Variants in TRA2B observed in about 807,000 individuals in gnomAD.
The protein encoded by TRA2B is transformer-2 protein homolog beta.
A neutral mutation model predicts 41.7 loss-of-function variants in TRA2B; 14 were observed. The observed-to-expected ratio is 0.34, with a 90% confidence interval of 0.22 to 0.53. The LOEUF is 0.53. TRA2B is among the 20% of genes least tolerant of loss of function. The pLI is 0.95. For missense variants in TRA2B, 167 were observed against 396.8 expected (o/e 0.42, Z 4.92); for synonymous variants, 130 against 128.8 (o/e 1.01, Z -0.06).
intron 5 of TRA2B, among the ~76,000 whole-genome samples, chr3:185,921,571 T>C (rs1414946311): frequency 6.6e-6 from 1 of 152,152 alleles, no homozygotes; most frequent in Admixed American, 6.5e-5. Context: ...GAGAACATCC[T>C]GGCTAACATG....
At chr3:185,921,300 T>C (rs1313855829) in intron 5 of TRA2B, 113 bp from the exon 6 acceptor site, 9 of 883,326 alleles carry the variant, frequency 1.0e-5, no homozygotes, top group Non-Finnish European at 1.6e-5. Context: ...ATTATTCCTG[T>C]TAAAATTCTC....
In TRA2B at chr3:185,925,311, T is replaced by G. The variant is rs767345811; in HGVS notation, c.333+153A>C. ...CAAATGCAGACCCCGTCATGGAAGATTAACTTAAAAGACTCTCTCAAAACA... is the reference window on the plus strand; with the variant it reads ...CAAATGCAGACCCCGTCATGGAAGAGTAACTTAAAAGACTCTCTCAAAACA... On this transcript the variant is annotated intron_variant, in intron 3 of 8. Coordinates refer to ENST00000453386, the MANE Select transcript of TRA2B (RefSeq NM_004593.3). 12 of 857,766 alleles carry G rather than the reference T, an allele frequency of 1.4e-5. 1 individual carries two copies. Among genetic ancestry groups the G allele is most frequent in the Non-Finnish European group, 1.4e-5 (8 of 581,582 alleles). The allele number at this position is 857,766 out of a possible 1,614,324, so 53.1% of individuals were successfully genotyped here.
intron 7 of TRA2B, among the ~76,000 whole-genome samples, 166 bp downstream of exon 7, chr3:185,919,271 A>G (rs538821119): frequency 6.6e-6 from 1 of 152,356 alleles, no homozygotes; most frequent in African/African-American, 2.4e-5. Flanking sequence ...ATTTTTATAA[A>G]TATACAAAGA....
In TRA2B at chr3:185,935,327, A is replaced by C. The variant is rs539640263; in HGVS notation, c.36+2498T>G. ...ACCCCTATAGACAGATTTTAGTGTT[A>C]ATCTATTACCTTTGAGAGGGGGGAA... On this transcript the variant is annotated intron_variant, in intron 1 of 8. Transcript: ENST00000453386. 1.4e-5 allele frequency: 14 copies of C among 984,454 alleles called. No homozygotes were observed. The African/African-American group carries it at 2.3e-4, about 16-fold the overall frequency. The allele number at this position is 984,454 out of a possible 1,614,324, so 61.0% of individuals were successfully genotyped here.
intron 6 of TRA2B, among the ~76,000 whole-genome samples, chr3:185,920,426 C>T (rs1326004276): frequency 2.0e-5 from 3 of 152,234 alleles, no homozygotes; most frequent in Non-Finnish European, 2.9e-5. Flanking sequence ...TGGCTCACTG[C>T]AGCTTCAACC....
chr3:185,936,516 A>G (rs569156876), intron 1 of TRA2B: 2 of 985,416 alleles, frequency 2.0e-6, no homozygotes, highest in South Asian at 4.7e-5. Context: ...CAGGAAACTC[A>G]CGCTTCATCA....
intron 6 of TRA2B, 65 bp downstream of exon 6, chr3:185,921,039 A>C (rs1743714411): frequency 1.4e-6 from 2 of 1,380,702 alleles, no homozygotes; most frequent in South Asian, 2.5e-5. Flanking sequence ...CTAAAACTTA[A>C]GCATAGTGCT....
intron 1 of TRA2B, chr3:185,935,697 A>G (rs1744323384): frequency 1.0e-6 from 1 of 985,338 alleles, no homozygotes; most frequent in Admixed American, 6.1e-5. Context: ...GGCATGTCTA[A>G]GATCAAGCTG....
chr3:185,933,815 A>G (rs1168306879), intron 1 of TRA2B, among the ~76,000 whole-genome samples: 1 of 152,150 alleles, frequency 6.6e-6, no homozygotes, highest in African/African-American at 2.4e-5. Flanking sequence ...TTAAATTTAC[A>G]TTCATAAAAC....
At chr3:185,918,281 A>G in intron 8 of TRA2B, 84 bp downstream of exon 8, 1 of 1,036,768 alleles carries the variant, frequency 9.6e-7, no homozygotes, top group South Asian at 1.5e-5. Flanking sequence ...CCTGAAACCA[A>G]TCCATTATCT....
intron 1 of TRA2B, among the ~76,000 whole-genome samples, chr3:185,930,916 C>T (rs577678219): frequency 4.3e-4 from 65 of 152,276 alleles, no homozygotes; most frequent in Non-Finnish European, 7.5e-4. Context: ...GGGGAAGCTA[C>T]GGTATTTTAT....
rs889992208 is a variant in TRA2B at position 185,915,023 on chromosome 3, G to A, written c.*2692C>T. On this transcript the variant is annotated 3_prime_UTR_variant, in exon 9 of 9. Transcript: ENST00000453386. Reference sequence around the variant, plus strand: ...GACCTTGAGCATTCTCTAACATGTAGTTAGATTTCCATAAGGAAATGTGCA... The same window carrying A: ...GACCTTGAGCATTCTCTAACATGTAATTAGATTTCCATAAGGAAATGTGCA... 4.6e-5 allele frequency among the ~76,000 whole-genome samples: 7 copies of A among 152,110 alleles called. No individual in the cohort carries two copies. Among genetic ancestry groups the A allele is most frequent in the African/African-American group, 1.7e-4 (7 of 41,416 alleles).
chr3:185,932,323 G>A (rs1275490941), intron 1 of TRA2B, among the ~76,000 whole-genome samples: 1 of 152,110 alleles, frequency 6.6e-6, no homozygotes, highest in Non-Finnish European at 1.5e-5. Flanking sequence ...GTCTAGATAG[G>A]ATAAAGAAAC....
At position 185,937,958 on chromosome 3, in the gene TRA2B, G is replaced by T. The variant is rs1163254310; in HGVS notation, c.-98C>A. On this transcript the variant is annotated 5_prime_UTR_variant, in exon 1 of 9. Coordinates refer to ENST00000453386, the MANE Select transcript of TRA2B (RefSeq NM_004593.3). Reference sequence around the variant, plus strand: ...GCTCCGCCGCAGCCCCGCACGACGCGCCGGTCGCCCAGCCGCTCAGAGCCG... The same window carrying T: ...GCTCCGCCGCAGCCCCGCACGACGCTCCGGTCGCCCAGCCGCTCAGAGCCG... 6.1e-6 allele frequency: 9 copies of T among 1,476,588 alleles called. No individual in the cohort carries two copies. Among genetic ancestry groups the T allele is most frequent in the Non-Finnish European group, 8.4e-6 (9 of 1,074,954 alleles). 91.5% of individuals were successfully genotyped at this position (1,476,588 alleles called of 1,614,324 possible).
At chr3:185,922,902 C>A (rs557190274) in intron 4 of TRA2B, 10 of 152,204 alleles carry the variant, frequency 6.6e-5, no homozygotes, top group Non-Finnish European at 1.2e-4. Context: ...CTAGTGTTTA[C>A]GCCCAGGCAG....
chr3:185,937,471 C>G (rs1388894307), intron 1 of TRA2B: 1 of 1,064,598 alleles, frequency 9.4e-7, no homozygotes, highest in Non-Finnish European at 1.1e-6. Context: ...CCCAAGATGG[C>G]TGCGGCGGAC....
At chr3:185,936,737 G>A in intron 1 of TRA2B, 1 of 984,562 alleles carries the variant, frequency 1.0e-6, no homozygotes, top group Non-Finnish European at 1.2e-6. Flanking sequence ...TTTCTATGGT[G>A]CTTTTCTATC....
intron 2 of TRA2B, among the ~76,000 whole-genome samples, chr3:185,926,023 A>G (rs549101837): frequency 1.3e-5 from 2 of 152,282 alleles, no homozygotes; most frequent in South Asian, 4.2e-4. Flanking sequence ...AGCAGTTAAA[A>G]AAACAAAAAA....
intron 6 of TRA2B, among the ~76,000 whole-genome samples, chr3:185,919,735 G>GA (rs1006947088): frequency 1.8e-4 from 28 of 151,528 alleles, no homozygotes; most frequent in African/African-American, 6.3e-4. Context: ...ATCAAACTAA[G>GA]AAAAAAATCT....
Sources: gnomAD v4.1 joint callset for allele counts (sites outside exome capture counted in the v4.1 genomes callset) on GRCh38, gnomAD v4.1.1 for gene constraint, MANE v1.5 for transcripts, NCBI Gene and HGNC (gene_info 2026-07-23, HGNC 2026-07-21) for gene names.